Variants in ZNF33A observed in about 807,000 individuals in gnomAD.
The protein encoded by ZNF33A is brain my041 protein.
A neutral mutation model predicts 15.9 loss-of-function variants in ZNF33A; 9 were observed. The observed-to-expected ratio is 0.57, with a 90% CI of 0.34 to 0.99. The LOEUF is 0.99. ZNF33A is among the 50% of genes least tolerant of loss of function. ZNF33A has a pLI of 0.02. For missense variants in ZNF33A, 843 were observed against 941.6 expected (o/e 0.90, Z 1.37); for synonymous variants, 294 against 324.2 (o/e 0.91, Z 1.00).
chr10:38,050,198 T>C (rs2066139365), intron 4 of ZNF33A, among the ~76,000 whole-genome samples: 2 of 152,212 alleles, frequency 1.3e-5, no homozygotes, highest in Non-Finnish European at 2.9e-5. Context: ...ACAAAGACAC[T>C]GCAAGGAAAG....
intron 1 of ZNF33A, 68 bp from the exon 2 acceptor site, chr10:38,012,230 C>T (rs2064217886): frequency 2.3e-5 from 36 of 1,535,808 alleles, no homozygotes; most frequent in Middle Eastern, 1.7e-4. Flanking sequence ...CTTCTTAGGG[C>T]GGAAGAATCC....
intron 4 of ZNF33A, among the ~76,000 whole-genome samples, chr10:38,047,659 A>G (rs1445874678): frequency 1.5e-5 from 2 of 134,262 alleles, no homozygotes; most frequent in Non-Finnish European, 3.2e-5. Flanking sequence ...AAAAAAAAAA[A>G]AAAAAGCAAG....
At chr10:38,025,847 A>T (rs1299271241) in intron 4 of ZNF33A, among the ~76,000 whole-genome samples, 1 of 152,232 alleles carries the variant, frequency 6.6e-6, no homozygotes, top group Non-Finnish European at 1.5e-5. Context: ...TACACTCACA[A>T]TGTTGTATAG....
chr10:38,024,163 C>CAAAAAAAAAA (rs71007682), intron 4 of ZNF33A, among the ~76,000 whole-genome samples: 346 of 93,064 alleles, frequency 3.7e-3, no homozygotes, highest in Middle Eastern at 6.4e-3. Flanking sequence ...AAAAACAAAA[C>CAAAAAAAAAA]AAAAAAAAAA....
chr10:38,064,942 C>T (rs1039640078), downstream of ZNF33A: 5 of 151,558 alleles, frequency 3.3e-5, no homozygotes, highest in African/African-American at 1.2e-4. Flanking sequence ...TCATTCATTC[C>T]AGATGCAATA....
downstream of ZNF33A, among the ~76,000 whole-genome samples, chr10:38,062,366 G>C (rs567983063): frequency 1.4e-4 from 21 of 152,288 alleles, no homozygotes; most frequent in African/African-American, 5.1e-4. Flanking sequence ...AATGTCTCTT[G>C]GAAATTTGGC....
rs759631097 is a variant in ZNF33A, at chr10:38,017,359, G to A, written c.223G>A (p.Glu75Lys). ...AGGAGAAGAGCCATGGAAACAGGAGGAAGAATTCCCAAGCCAAAGCTTTCC... is the reference window on the plus strand; with the variant it reads ...AGGAGAAGAGCCATGGAAACAGGAGAAAGAATTCCCAAGCCAAAGCTTTCC... ...QQGEEPWKQE[E>K]EFPSQSFPEV... is the part of the protein sequence containing the mutation. Residue 75 changes from glutamate to lysine, a missense_variant, in exon 4 of 5, where the codon GAA becomes AAA. Coordinates refer to ENST00000432900, the MANE Select transcript of ZNF33A (RefSeq NM_006954.2). 1.2e-6 allele frequency: 2 copies of A among 1,614,034 alleles called. No homozygotes were observed. Among genetic ancestry groups the A allele is most frequent in the Non-Finnish European group, 8.5e-7 (1 of 1,179,908 alleles).
At chr10:38,050,483 C>A (rs2066152409) in intron 4 of ZNF33A, among the ~76,000 whole-genome samples, 1 of 152,236 alleles carries the variant, frequency 6.6e-6, no homozygotes, top group South Asian at 2.1e-4. Flanking sequence ...AAGTTCTTCA[C>A]AGTTTTATCT....
At chr10:38,024,163 C>CAAAAAAAAAAAAA (rs71007682) in intron 4 of ZNF33A, among the ~76,000 whole-genome samples, 111 of 93,060 alleles carry the variant, frequency 1.2e-3, no homozygotes, top group African/African-American at 2.1e-3. Context: ...AAAAACAAAA[C>CAAAAAAAAAAAAA]AAAAAAAAAA....
At chr10:38,066,312 T>A (rs2066709365), downstream of ZNF33A, among the ~76,000 whole-genome samples, 1 of 151,982 alleles carries the variant, frequency 6.6e-6, no homozygotes, top group South Asian at 2.1e-4. Context: ...AGAGTCTCAC[T>A]CTGTCACCCA....
chr10:38,012,269 A>G (rs571672744), intron 1 of ZNF33A, 29 bp from the exon 2 acceptor site: 2 of 1,605,132 alleles, frequency 1.2e-6, no homozygotes, highest in African/African-American at 2.7e-5. Flanking sequence ...CAAATCTTTC[A>G]TGACCCCATT....
At chr10:38,028,254 C>G (rs1159838202) in intron 4 of ZNF33A, among the ~76,000 whole-genome samples, 1 of 151,852 alleles carries the variant, frequency 6.6e-6, no homozygotes, top group Non-Finnish European at 1.5e-5. Context: ...GGTGACAGAG[C>G]AAGATCCTGT....
At chr10:38,048,572 A>G (rs2066060354) in intron 4 of ZNF33A, among the ~76,000 whole-genome samples, 1 of 152,234 alleles carries the variant, frequency 6.6e-6, no homozygotes, top group African/African-American at 2.4e-5. Context: ...TCAAAGACAG[A>G]TAAACAAAAA....
At chr10:38,010,543 G>A (rs1458679631), upstream of ZNF33A, 8 of 731,778 alleles carry the variant, frequency 1.1e-5, no homozygotes, top group East Asian at 5.0e-5. Context: ...ACTGCCTAGC[G>A]GGGCACTTCT....
chr10:38,067,716 A>G (rs1425591544), downstream of ZNF33A, among the ~76,000 whole-genome samples: 1 of 152,234 alleles, frequency 6.6e-6, no homozygotes, highest in African/African-American at 2.4e-5. Flanking sequence ...ATCCACACCA[A>G]AAAGTGAATC....
At chr10:38,043,226 T>A (rs2065786059) in intron 4 of ZNF33A, among the ~76,000 whole-genome samples, 1 of 151,928 alleles carries the variant, frequency 6.6e-6, no homozygotes, top group South Asian at 2.1e-4. Context: ...GAAACCATCA[T>A]TCTCAGCAAA....
At chr10:38,024,980 G>T (rs1394899195) in intron 4 of ZNF33A, among the ~76,000 whole-genome samples, 1 of 152,202 alleles carries the variant, frequency 6.6e-6, no homozygotes, top group Non-Finnish European at 1.5e-5. Flanking sequence ...TAATGGCCCT[G>T]AAGTGCCAGA....
intron 1 of ZNF33A, 29 bp downstream of exon 1, chr10:38,010,812 G>A (rs1314154787): frequency 6.3e-7 from 1 of 1,597,306 alleles, no homozygotes; most frequent in East Asian, 2.2e-5. Flanking sequence ...GGCAGGGAGA[G>A]AGAGGGAGCC....
intron 2 of ZNF33A, among the ~76,000 whole-genome samples, chr10:38,012,984 T>TC (rs2064265525): frequency 6.6e-6 from 1 of 152,176 alleles, no homozygotes; most frequent in Non-Finnish European, 1.5e-5. Flanking sequence ...TGAATAAGCT[T>TC]CCAGTGATAA....
Sources: allele counts gnomAD v4.1 joint callset (sites outside exome capture counted in the v4.1 genomes callset), GRCh38; gene constraint gnomAD v4.1.1; transcripts MANE v1.5; gene names NCBI Gene and HGNC (gene_info 2026-07-23, HGNC 2026-07-21).